NECTIN2: variants seen among roughly 807,000 people sequenced by gnomAD.
NECTIN2 encodes the protein nectin cell adhesion molecule 2.
Under a neutral mutation model 56.9 loss-of-function variants are expected in NECTIN2, and 23 were observed. The observed-to-expected ratio is 0.40, with a 90% confidence interval of 0.29 to 0.57. NECTIN2 has a LOEUF of 0.57. NECTIN2 is among the 20% of genes least tolerant of loss of function. The probability of loss-of-function intolerance (pLI) is 0.38; values close to 1 mark genes in which losing one functional copy is unlikely to be tolerated. For missense variants in NECTIN2, 587 were observed against 718.3 expected (o/e 0.82, Z 2.09); for synonymous variants, 302 against 313.8 (o/e 0.96, Z 0.40).
intron 5 of NECTIN2, among the ~76,000 whole-genome samples, chr19:44,877,730 A>C (rs1471073910): frequency 6.6e-6 from 1 of 152,152 alleles, no homozygotes; most frequent in Non-Finnish European, 1.5e-5. Context: ...CAGCACATTC[A>C]GGGAGGGCTG....
rs1599923322 is a variant in NECTIN2 at position 44,876,000 on chromosome 19, C to G, written c.1042+1522C>G. Reference sequence around the variant, plus strand: ...AATCCAGGACAGCAACGGCTGCACACGGAGGAATGTCATCCCTCACTCACA... The same window carrying G: ...AATCCAGGACAGCAACGGCTGCACAGGGAGGAATGTCATCCCTCACTCACA... On this transcript the variant is annotated intron_variant, in intron 5 of 8. Coordinates refer to ENST00000252483, the MANE Select transcript of NECTIN2 (RefSeq NM_001042724.2). The surrounding 1 kb of genome is among the most constrained non-coding windows in gnomAD (Gnocchi z 4.2). 6.6e-6 allele frequency among the ~76,000 whole-genome samples: 1 copy of G among 152,118 alleles called. No individual in the cohort carries two copies. The highest frequency in any genetic ancestry group is 1.5e-5 in the Non-Finnish European group (1 of 68,020).
At chr19:44,867,029 T>C (rs1375923806) in intron 2 of NECTIN2, among the ~76,000 whole-genome samples, 2 of 152,012 alleles carry the variant, frequency 1.3e-5, no homozygotes, top group Non-Finnish European at 2.9e-5. Flanking sequence ...AAATTTTTTT[T>C]TTTTTTGAGA....
chr19:44,878,366 G>A, intron 5 of NECTIN2: 2 of 1,553,188 alleles, frequency 1.3e-6, no homozygotes, highest in Non-Finnish European at 1.7e-6. Flanking sequence ...GAGCCCTGGA[G>A]GAGCAGGAGG....
At chr19:44,855,117 CAA>C (rs56220442) in intron 1 of NECTIN2, among the ~76,000 whole-genome samples, 147 of 120,312 alleles carry the variant, frequency 1.2e-3, no homozygotes, top group Non-Finnish European at 9.7e-4. Context: ...GACTCCGTCT[CAA>C]AAAAAAAAAA....
chr19:44,866,761 G>A (rs1969105923), intron 2 of NECTIN2, among the ~76,000 whole-genome samples: 2 of 152,128 alleles, frequency 1.3e-5, no homozygotes, highest in Admixed American at 1.3e-4. Context: ...GATAAGAGCT[G>A]TAGTAGGTTC....
rs1248139047 is a variant in NECTIN2, at chr19:44,865,814, G to A, written c.478+154G>A. The stretch of plus-strand genomic sequence containing the variant: ...CAAATGTTCATTAAGCACCTACCGC[G>A]TGCCAGATGCTTTTCTGTGTGCTGA... On this transcript the variant is annotated intron_variant, in intron 2 of 8. Transcript: ENST00000252483. The surrounding 1 kb of genome is among the most constrained non-coding windows in gnomAD (Gnocchi z 5.2). Among the ~76,000 whole-genome samples the A allele has an allele frequency of 2.0e-5, 3 of 152,162 alleles. No individual in the cohort carries two copies. Among genetic ancestry groups the A allele is most frequent in the Admixed American group, 6.6e-5 (1 of 15,262 alleles).
chr19:44,879,227 C>T (rs1351597475), intron 5 of NECTIN2, among the ~76,000 whole-genome samples: 1 of 152,004 alleles, frequency 6.6e-6, no homozygotes, highest in African/African-American at 2.4e-5. Context: ...AGGACAGAGG[C>T]TGCCTTTCTG....
chr19:44,861,849 A>C (rs1450957384), intron 1 of NECTIN2, among the ~76,000 whole-genome samples: 1 of 152,176 alleles, frequency 6.6e-6, no homozygotes, highest in Non-Finnish European at 1.5e-5. Context: ...GAAACAACAG[A>C]TGCAGGCAAG....
chr19:44,858,458 G>A (rs1213510708), intron 1 of NECTIN2, among the ~76,000 whole-genome samples: 1 of 151,908 alleles, frequency 6.6e-6, no homozygotes, highest in Non-Finnish European at 1.5e-5. Context: ...AAGTAGCTGG[G>A]AATACAGGGG....
At chr19:44,852,100 CTCTT>C (rs1968906402) in intron 1 of NECTIN2, among the ~76,000 whole-genome samples, 1 of 152,012 alleles carries the variant, frequency 6.6e-6, no homozygotes, top group Non-Finnish European at 1.5e-5. Flanking sequence ...CCACTGAGGG[CTCTT>C]TCTTTTTTCT....
chr19:44,876,437 G>A (rs1969238192), intron 5 of NECTIN2, among the ~76,000 whole-genome samples: 1 of 152,096 alleles, frequency 6.6e-6, no homozygotes, highest in Non-Finnish European at 1.5e-5. Flanking sequence ...CCACGACAGT[G>A]GCCACAGGGC....
chr19:44,867,488 T>C (rs954581476), intron 2 of NECTIN2, among the ~76,000 whole-genome samples: 3 of 152,232 alleles, frequency 2.0e-5, no homozygotes, highest in African/African-American at 4.8e-5. Context: ...AGCGAGACCC[T>C]GTCTTAAAAC....
rs752189548 is a variant in NECTIN2 at position 44,886,016 on chromosome 19, G to A, written c.1260+16G>A. ...ACAGGAGATGGTGAGCACTTTCCCT[G>A]GAGCCCAAGCTATCCCCACCTCCAC... On this transcript the variant is annotated intron_variant, in intron 7 of 8. Coordinates refer to ENST00000252483, the MANE Select transcript of NECTIN2 (RefSeq NM_001042724.2). 11 of 1,595,160 alleles carry A rather than the reference G, an allele frequency of 6.9e-6. No individual in the cohort carries two copies. The highest frequency in any genetic ancestry group is 9.5e-6 in the Non-Finnish European group (11 of 1,163,048).
chr19:44,864,687 G>T (rs1416463731), intron 1 of NECTIN2, among the ~76,000 whole-genome samples: 1 of 152,136 alleles, frequency 6.6e-6, no homozygotes, highest in Non-Finnish European at 1.5e-5. Context: ...AATTAGCCAG[G>T]CATGGTGGCA....
intron 1 of NECTIN2, among the ~76,000 whole-genome samples, chr19:44,858,170 G>T (rs538398247): frequency 3.9e-5 from 6 of 152,174 alleles, no homozygotes; most frequent in Middle Eastern, 6.8e-3. Flanking sequence ...CTCAAGTTGG[G>T]TGGGGGTGGC....
intron 1 of NECTIN2, among the ~76,000 whole-genome samples, chr19:44,852,795 G>A (rs1968916388): frequency 6.6e-6 from 1 of 152,044 alleles, no homozygotes; most frequent in African/African-American, 2.4e-5. Context: ...GAGAGAAAGA[G>A]GTGAAAATGC....
chr19:44,886,527 C>A (rs1344085734), intron 8 of NECTIN2, among the ~76,000 whole-genome samples: 1 of 151,984 alleles, frequency 6.6e-6, no homozygotes, highest in Non-Finnish European at 1.5e-5. Flanking sequence ...TCGAGACCAG[C>A]CTGTGCAACA....
intron 1 of NECTIN2, among the ~76,000 whole-genome samples, chr19:44,864,364 T>G (rs923529518): frequency 1.3e-5 from 2 of 152,092 alleles, no homozygotes; most frequent in Non-Finnish European, 2.9e-5. Flanking sequence ...TTTTATTTTC[T>G]TTTTTAATTT....
At chr19:44,879,411 G>A (rs945455367) in intron 5 of NECTIN2, among the ~76,000 whole-genome samples, 1 of 152,064 alleles carries the variant, frequency 6.6e-6, no homozygotes, top group African/African-American at 2.4e-5. Flanking sequence ...AGGTTGCTGG[G>A]GGTCTCGGGA....
Sources: gnomAD v4.1 joint callset for allele counts (sites outside exome capture counted in the v4.1 genomes callset) on GRCh38, gnomAD v4.1.1 for gene constraint, Gnocchi (gnomAD v3.1) non-coding constraint, MANE v1.5 for transcripts, NCBI Gene and HGNC (gene_info 2026-07-23, HGNC 2026-07-21) for gene names.